The following NKAIN3 variants were observed in gnomAD, a reference collection of about 807,000 sequenced individuals.
NKAIN3 encodes sodium/potassium transporting ATPase interacting 3.
Under a neutral mutation model 30.2 loss-of-function variants are expected in NKAIN3, and 25 were observed. The ratio of observed to expected loss-of-function variants is 0.83; its 90% CI spans 0.60 to 1.16. The LOEUF (loss-of-function observed/expected upper bound fraction) is 1.16, where lower values mean the gene tolerates loss of function less well. Among genes scored for constraint, NKAIN3 ranks in the 50% most tolerant of loss-of-function variants. The pLI is 0.00. For synonymous variants in NKAIN3, 91 were observed against 89.6 expected (o/e 1.02, Z -0.09); for missense variants, 225 against 254.1 (o/e 0.89, Z 0.78).
chr8:62,446,795 A>G (rs918197813), intron 1 of NKAIN3, among the ~76,000 whole-genome samples: 2 of 151,884 alleles, frequency 1.3e-5, no homozygotes, highest in Non-Finnish European at 2.9e-5. Context: ...AATTTCCTTC[A>G]TTTTCAGGGT....
intron 1 of NKAIN3, among the ~76,000 whole-genome samples, chr8:62,410,946 G>T (rs1453083653): frequency 6.6e-6 from 1 of 152,156 alleles, no homozygotes; most frequent in Non-Finnish European, 1.5e-5. Flanking sequence ...ATTCACAGTT[G>T]AATTCTACCA....
chr8:62,986,576 C>G (rs556756515), downstream of NKAIN3, among the ~76,000 whole-genome samples: 2 of 152,168 alleles, frequency 1.3e-5, no homozygotes, highest in Non-Finnish European at 2.9e-5. Flanking sequence ...CTAATCATAG[C>G]TATGATTTAA....
At chr8:62,596,701 C>G (rs771191487) in intron 3 of NKAIN3, among the ~76,000 whole-genome samples, 1 of 152,024 alleles carries the variant, frequency 6.6e-6, no homozygotes, top group Non-Finnish European at 1.5e-5. Flanking sequence ...CACTGCATAC[C>G]CCACTTTTCA....
At chr8:62,882,526 C>A (rs1317791274) in intron 4 of NKAIN3, among the ~76,000 whole-genome samples, 1 of 152,022 alleles carries the variant, frequency 6.6e-6, no homozygotes, top group Non-Finnish European at 1.5e-5. Flanking sequence ...CCATATTGGC[C>A]AGGCTGGTCT....
chr8:62,934,176 G>A (rs1822710200), intron 5 of NKAIN3, among the ~76,000 whole-genome samples: 1 of 152,152 alleles, frequency 6.6e-6, no homozygotes, highest in South Asian at 2.1e-4. Flanking sequence ...CTTGAGGCCA[G>A]AAGCTTGAGA....
At chr8:62,686,871 C>A (rs1019969653) in intron 3 of NKAIN3, among the ~76,000 whole-genome samples, 3 of 152,144 alleles carry the variant, frequency 2.0e-5, no homozygotes, top group Non-Finnish European at 4.4e-5. Flanking sequence ...TTACTTAGCA[C>A]AAAAACTGCA....
intron 1 of NKAIN3, among the ~76,000 whole-genome samples, chr8:62,321,328 C>G (rs563417843): frequency 1.3e-4 from 20 of 152,304 alleles, no homozygotes; most frequent in African/African-American, 4.8e-4. Context: ...CTTCTCTCAA[C>G]TTGTCAAAGT....
intron 3 of NKAIN3, among the ~76,000 whole-genome samples, chr8:62,670,761 A>G (rs1231471984): frequency 6.6e-6 from 1 of 152,094 alleles, no homozygotes; most frequent in East Asian, 1.9e-4. Flanking sequence ...ATAGGTAAGT[A>G]AAGCCTTGAC....
At chr8:62,609,576 T>C (rs1283195195) in intron 3 of NKAIN3, among the ~76,000 whole-genome samples, 1 of 152,158 alleles carries the variant, frequency 6.6e-6, no homozygotes, top group African/African-American at 2.4e-5. Context: ...CAAAGAGCTT[T>C]TATTCTGGGG....
chr8:62,618,698 G>A (rs1308204116), intron 3 of NKAIN3, among the ~76,000 whole-genome samples: 1 of 152,142 alleles, frequency 6.6e-6, no homozygotes, highest in Non-Finnish European at 1.5e-5. Context: ...CTGAGGTCAG[G>A]AGTTCAAGCC....
At chr8:62,860,340 C>T (rs1449862788) in intron 4 of NKAIN3, among the ~76,000 whole-genome samples, 2 of 152,180 alleles carry the variant, frequency 1.3e-5, no homozygotes, top group Non-Finnish European at 2.9e-5. Context: ...GGTCCACAAT[C>T]CCTCTGAGCC....
chr8:62,702,695 T>C (rs10957231), intron 3 of NKAIN3, among the ~76,000 whole-genome samples: 151,672 of 152,306 alleles, frequency 1, 75,523 homozygotes, highest in East Asian at 1. Flanking sequence ...GCTATCCTTA[T>C]TCACAGATCT....
chr8:62,362,886 A>T (rs1231103605), intron 1 of NKAIN3, among the ~76,000 whole-genome samples: 1 of 152,168 alleles, frequency 6.6e-6, no homozygotes, highest in Non-Finnish European at 1.5e-5. Context: ...GGTTTGCCTT[A>T]TTTGAACGCA....
intron 3 of NKAIN3, among the ~76,000 whole-genome samples, chr8:62,637,902 A>C (rs1429343558): frequency 6.6e-6 from 1 of 152,160 alleles, no homozygotes; most frequent in Non-Finnish European, 1.5e-5. Flanking sequence ...CCTATAACAC[A>C]TTATAAACAC....
chr8:62,252,546 G>GT (rs1812142107), intron 1 of NKAIN3, among the ~76,000 whole-genome samples: 1 of 152,094 alleles, frequency 6.6e-6, no homozygotes, highest in African/African-American at 2.4e-5. Context: ...TTCATCATTA[G>GT]TTTTTCTCCA....
At chr8:62,703,883 A>G (rs1814430332) in intron 3 of NKAIN3, among the ~76,000 whole-genome samples, 10 of 152,286 alleles carry the variant, frequency 6.6e-5, no homozygotes, top group Non-Finnish European at 1.5e-5. Context: ...AAGCCAATTT[A>G]TATCCTAATC....
At chr8:62,960,378 A>T (rs1274575638) in intron 6 of NKAIN3, among the ~76,000 whole-genome samples, 2 of 152,206 alleles carry the variant, frequency 1.3e-5, no homozygotes, top group Non-Finnish European at 2.9e-5. Context: ...GAAAGCCCAT[A>T]TCTGAACAGT....
chr8:62,751,814 C>CTG (rs3032932), intron 4 of NKAIN3, among the ~76,000 whole-genome samples: 3,050 of 146,618 alleles, frequency 0.021, 57 homozygotes, highest in African/African-American at 0.051. Flanking sequence ...TACTAAAAAA[C>CTG]TGTGTGTGTG....
chr8:62,892,831 G>T (rs975766477), intron 4 of NKAIN3, among the ~76,000 whole-genome samples: 2 of 152,096 alleles, frequency 1.3e-5, no homozygotes, highest in Non-Finnish European at 2.9e-5. Context: ...AATTTGGAAA[G>T]GTCAGACACA....
Sources: gnomAD v4.1 joint callset for allele counts (sites outside exome capture counted in the v4.1 genomes callset) on GRCh38, gnomAD v4.1.1 for gene constraint, MANE v1.5 for transcripts, NCBI Gene and HGNC (gene_info 2026-07-23, HGNC 2026-07-21) for gene names.